Variants in LNPK observed in about 807,000 individuals in gnomAD.
The protein encoded by LNPK is lunapark, ER junction formation factor.
Under a neutral mutation model 55.2 loss-of-function variants are expected in LNPK, and 29 were observed. The ratio of observed to expected loss-of-function variants is 0.53; its 90% CI spans 0.39 to 0.72. The LOEUF (loss-of-function observed/expected upper bound fraction) is 0.72, where lower values mean the gene tolerates loss of function less well. Ranked by LOEUF, LNPK falls within the 30% of genes least tolerant of loss-of-function variation. The pLI is 0.00. For missense variants in LNPK, 467 were observed against 494.8 expected, an observed-to-expected ratio of 0.94 and a Z score of 0.53; for synonymous variants, 162 against 168.2, an observed-to-expected ratio of 0.96 and a Z score of 0.29.
rs374966195 is a variant in LNPK at position 175,963,364 on chromosome 2, A to G, written c.493+1008T>C. Among the ~76,000 whole-genome samples, 350 of 152,308 alleles carry G rather than the reference A, an allele frequency of 2.3e-3. 2 individuals are homozygous for G. Among genetic ancestry groups the G allele is most frequent in the African/African-American group, 8.1e-3 (337 of 41,548 alleles). ...ATGTGGCACATATACACCATGGAAT[A>G]CTATGCAGCCATAAAAAATGATGAG... On this transcript the variant is annotated intron_variant, in intron 8 of 12. Transcript: ENST00000272748.
In LNPK at chr2:175,961,918, CAG is replaced by C. The variant is rs560330800; in HGVS notation, c.493+2452_493+2453del. On this transcript the variant is annotated intron_variant, in intron 8 of 12. Coordinates refer to ENST00000272748, the MANE Select transcript of LNPK (RefSeq NM_030650.3). Reference sequence around the variant, plus strand: ...TTCTTATACACCATTAACAGACAAACAGAGAACCAAATCATGAGTGAACTCCC... The same window carrying C: ...TTCTTATACACCATTAACAGACAAACAGAACCAAATCATGAGTGAACTCCC... Among the ~76,000 whole-genome samples, 159 of 152,212 alleles carry C rather than the reference CAG, an allele frequency of 1.0e-3. 1 individual carries two copies. The highest frequency in any genetic ancestry group is 3.4e-3 in the African/African-American group (142 of 41,534).
At chr2:175,943,079 T>C (rs1684937615) in intron 9 of LNPK, among the ~76,000 whole-genome samples, 1 of 151,726 alleles carries the variant, frequency 6.6e-6, no homozygotes, top group Admixed American at 6.6e-5. Flanking sequence ...ACGAATTCCT[T>C]GAAAGACTAC....
At chr2:175,995,490 T>C in intron 2 of LNPK, 68 bp downstream of exon 2, 1 of 1,287,486 alleles carries the variant, frequency 7.8e-7, no homozygotes, top group Non-Finnish European at 1.1e-6. Flanking sequence ...AAGGAGACTT[T>C]CACAAATAGC....
chr2:175,927,075 G>A lies in LNPK; in HGVS notation c.*2892C>T, dbSNP rs1202786936. On this transcript the variant is annotated 3_prime_UTR_variant, in exon 13 of 13. Transcript: ENST00000272748. ...CAGAATGAAGAAATGATGACACTAG[G>A]TAGAACTTAAGGAACACCAACACTT... 2.0e-5 allele frequency: 3 copies of A among 152,142 alleles called. No homozygotes were observed. The highest frequency in any genetic ancestry group is 4.4e-5 in the Non-Finnish European group (3 of 68,038). 9.4% of individuals were successfully genotyped at this position (152,142 alleles called of 1,614,324 possible).
intron 4 of LNPK, among the ~76,000 whole-genome samples, chr2:175,988,044 A>T (rs953374025): frequency 1.2e-4 from 19 of 152,230 alleles, no homozygotes; most frequent in Non-Finnish European, 2.9e-5. Context: ...AAGAATTAAC[A>T]TTCTATAAAC....
At chr2:175,961,283 C>T (rs1431364878) in intron 8 of LNPK, among the ~76,000 whole-genome samples, 1 of 152,188 alleles carries the variant, frequency 6.6e-6, no homozygotes, top group African/African-American at 2.4e-5. Context: ...CCCTGATGAA[C>T]ATCGATGCGA....
At chr2:175,986,917 G>C (rs62187026) in intron 4 of LNPK, among the ~76,000 whole-genome samples, 11,768 of 149,948 alleles carry the variant, frequency 0.078, 485 homozygotes, top group South Asian at 0.097. Context: ...TTGTCCTGAA[G>C]GTATTAGCTA....
chr2:175,967,757 A>G (rs1686440667), intron 6 of LNPK: 5 of 973,026 alleles, frequency 5.1e-6, no homozygotes, highest in Non-Finnish European at 6.1e-6. Context: ...ATTCCACAAT[A>G]ATAGTCACAT....
intron 4 of LNPK, among the ~76,000 whole-genome samples, chr2:175,985,682 T>G (rs973686594): frequency 6.6e-6 from 1 of 152,156 alleles, no homozygotes; most frequent in Non-Finnish European, 1.5e-5. Flanking sequence ...ATATACTAAG[T>G]TTTTTCCTAT....
At chr2:175,964,665 G>T in intron 6 of LNPK, 76 bp from the exon 7 acceptor site, 1 of 777,958 alleles carries the variant, frequency 1.3e-6, no homozygotes, top group Non-Finnish European at 2.2e-6. Flanking sequence ...TATTCAAAAA[G>T]GTTTAAATAT....
rs767100093 is a variant in LNPK at position 175,962,569 on chromosome 2, A to G, written c.493+1803T>C. Reference sequence around the variant, plus strand: ...AAAATTAATTCAAGATGTATTAAAGACTTAAATGTTAGACCTAAAACCATA... The same window carrying G: ...AAAATTAATTCAAGATGTATTAAAGGCTTAAATGTTAGACCTAAAACCATA... On this transcript the variant is annotated intron_variant, in intron 8 of 12. Coordinates refer to ENST00000272748, the MANE Select transcript of LNPK (RefSeq NM_030650.3). Among the ~76,000 whole-genome samples, 214 of 152,338 alleles carry G rather than the reference A, an allele frequency of 1.4e-3. 1 individual carries two copies. The highest frequency in any genetic ancestry group is 1.3e-3 in the Non-Finnish European group (87 of 68,040).
intron 6 of LNPK, among the ~76,000 whole-genome samples, chr2:175,968,147 T>G (rs137919660): frequency 5.2e-4 from 79 of 152,316 alleles, no homozygotes; most frequent in African/African-American, 1.9e-3. Flanking sequence ...AACGTCAACA[T>G]TAACCTGTAA....
intron 5 of LNPK, among the ~76,000 whole-genome samples, chr2:175,972,773 C>G (rs1686721018): frequency 6.6e-6 from 1 of 152,156 alleles, no homozygotes; most frequent in East Asian, 1.9e-4. Flanking sequence ...AGCATATTCA[C>G]TAGTTTGAAA....
upstream of LNPK, chr2:176,002,767 C>G (rs963374961): frequency 6.5e-6 from 1 of 152,876 alleles, no homozygotes; most frequent in African/African-American, 2.4e-5. Flanking sequence ...CAGTTCCCAA[C>G]CAAGCCAGTG....
chr2:175,981,589 T>C (rs1158164134), intron 4 of LNPK, among the ~76,000 whole-genome samples: 1 of 152,082 alleles, frequency 6.6e-6, no homozygotes, highest in Non-Finnish European at 1.5e-5. Flanking sequence ...ACAGCCTATA[T>C]GAAAAGAAAA....
At chr2:175,954,327 G>A (rs933283835) in intron 8 of LNPK, among the ~76,000 whole-genome samples, 1 of 152,034 alleles carries the variant, frequency 6.6e-6, no homozygotes, top group Non-Finnish European at 1.5e-5. Flanking sequence ...AACTTATTTA[G>A]AGTGATAAAC....
chr2:175,988,483 G>A (rs1687534951), intron 4 of LNPK, among the ~76,000 whole-genome samples: 1 of 136,596 alleles, frequency 7.3e-6, no homozygotes, highest in African/African-American at 2.8e-5. Context: ...TTACACTCCA[G>A]CCTGGGCAAC....
At chr2:175,957,407 T>C (rs1358092126) in intron 8 of LNPK, among the ~76,000 whole-genome samples, 1 of 151,604 alleles carries the variant, frequency 6.6e-6, no homozygotes, top group Non-Finnish European at 1.5e-5. Flanking sequence ...ACCTATGTCT[T>C]CCCATGTTCT....
chr2:175,964,963 C>T (rs1686255041), intron 6 of LNPK, among the ~76,000 whole-genome samples: 1 of 152,104 alleles, frequency 6.6e-6, no homozygotes, highest in African/African-American at 2.4e-5. Context: ...GCACTTAATG[C>T]TATTAATTTA....
Sources: allele counts gnomAD v4.1 joint callset (sites outside exome capture counted in the v4.1 genomes callset), GRCh38; gene constraint gnomAD v4.1.1; transcripts MANE v1.5; gene names NCBI Gene and HGNC (gene_info 2026-07-23, HGNC 2026-07-21).